The following WDR17 variants were observed in gnomAD, a reference collection of about 807,000 sequenced individuals.
WDR17 encodes WD repeat domain 17.
A neutral mutation model predicts 161.7 loss-of-function variants in WDR17; 143 were observed. The observed-to-expected ratio is 0.88, with a 90% confidence interval of 0.77 to 1.02. WDR17 has a LOEUF of 1.02. WDR17 is among the 50% of genes least tolerant of loss of function. The pLI is 0.00. For missense variants in WDR17, 1,469 were observed against 1,520.9 expected (o/e 0.97, Z 0.57); for synonymous variants, 517 against 515.6 (o/e 1.00, Z -0.04).
intron 1 of WDR17, among the ~76,000 whole-genome samples, chr4:176,108,914 C>T (rs62339423): frequency 0.32 from 48,987 of 151,942 alleles, 8,659 homozygotes; most frequent in East Asian, 0.43. Context: ...CTCAGCTTCC[C>T]AAGTAGCTGG....
At chr4:176,137,692 A>C in intron 9 of WDR17, 81 bp downstream of exon 9, 2 of 823,578 alleles carry the variant, frequency 2.4e-6, no homozygotes, top group South Asian at 6.1e-5. Flanking sequence ...TTATTTCTTA[A>C]TATAATATCA....
intron 12 of WDR17, among the ~76,000 whole-genome samples, chr4:176,146,999 T>A (rs982582697): frequency 1.3e-5 from 2 of 152,096 alleles, no homozygotes; most frequent in African/African-American, 4.8e-5. Flanking sequence ...CCCTAGTAGC[T>A]GGGACTACAG....
At chr4:176,127,011 A>T (rs1742555693) in intron 5 of WDR17, among the ~76,000 whole-genome samples, 1 of 152,092 alleles carries the variant, frequency 6.6e-6, no homozygotes, top group Non-Finnish European at 1.5e-5. Context: ...TTTATAAATT[A>T]CCCAGTCTTG....
At chr4:176,096,440 G>T in intron 1 of WDR17, 1 of 1,182,452 alleles carries the variant, frequency 8.5e-7, no homozygotes. Flanking sequence ...TTGTTTGGTT[G>T]AAACACATTG....
intron 21 of WDR17, among the ~76,000 whole-genome samples, chr4:176,162,647 G>A (rs1749200057): frequency 1.3e-5 from 2 of 151,912 alleles, no homozygotes; most frequent in Admixed American, 6.6e-5. Flanking sequence ...ACAAATGAAA[G>A]CACTTATTTT....
At chr4:176,150,276 G>T in intron 15 of WDR17, 103 bp downstream of exon 15, 1 of 1,515,844 alleles carries the variant, frequency 6.6e-7, no homozygotes, top group Non-Finnish European at 8.9e-7. Flanking sequence ...CTAATTCATT[G>T]GGTAACTCTT....
Position 176,179,969 on chromosome 4 carries a change from T to C in WDR17, c.*390T>C, listed in dbSNP as rs1751988767. On this transcript the variant is annotated 3_prime_UTR_variant, in exon 29 of 29. Coordinates refer to ENST00000508596, the MANE Select transcript of WDR17 (RefSeq NM_181265.4). ...TGCTAGACATACAGTAAGTACTTAA[T>C]GGATATTTGAATGATTGAATATCTT... 2 of 152,370 alleles carry C rather than the reference T, an allele frequency of 1.3e-5. No homozygotes were observed. The highest frequency in any genetic ancestry group is 4.8e-5 in the African/African-American group (2 of 41,570). 9.4% of individuals were successfully genotyped at this position (152,370 alleles called of 1,614,324 possible).
Position 176,119,985 on chromosome 4 carries a change from C to G in WDR17, c.426C>G (p.His142Gln). 1 of 1,613,982 alleles carries G rather than the reference C, an allele frequency of 6.2e-7. No homozygotes were observed. The change falls in exon 4 of 29, where the codon CAC becomes CAG. Residue 142 changes from histidine to glutamine, a missense_variant. By Grantham distance (24) the His-to-Gln change is conservative. Transcript: ENST00000508596. The part of the protein sequence containing the change: ...ISGPDSGVIV[H>Q]KDAHSFLSDI... ...GACCAGATAGTGGAGTGATTGTACA[C>G]AAAGATGCTCATAGCTTCTTGTCTG...
chr4:176,179,412 T>G, intron 28 of WDR17, 48 bp from the exon 29 acceptor site: 1 of 1,402,890 alleles, frequency 7.1e-7, no homozygotes, highest in Non-Finnish European at 9.4e-7. Flanking sequence ...AAAAATACTT[T>G]GCAAATTTAT....
intron 1 of WDR17, among the ~76,000 whole-genome samples, chr4:176,098,678 C>T (rs1422692510): frequency 6.6e-6 from 1 of 151,618 alleles, no homozygotes; most frequent in Non-Finnish European, 1.5e-5. Flanking sequence ...AGTCCTTTTG[C>T]AAAAATAATT....
intron 1 of WDR17, among the ~76,000 whole-genome samples, chr4:176,071,868 G>C (rs1243001399): frequency 6.6e-6 from 1 of 152,146 alleles, no homozygotes; most frequent in Non-Finnish European, 1.5e-5. Flanking sequence ...AGATAATAAA[G>C]GTAACTCCAT....
intron 19 of WDR17, among the ~76,000 whole-genome samples, chr4:176,160,332 A>C (rs1012419564): frequency 6.6e-6 from 1 of 151,910 alleles, no homozygotes; most frequent in Non-Finnish European, 1.5e-5. Flanking sequence ...TTATTTATTT[A>C]TTTTTTTGAG....
At chr4:176,155,545 GTTT>G (rs869207103) in intron 17 of WDR17, among the ~76,000 whole-genome samples, 1 of 105,244 alleles carries the variant, frequency 9.5e-6, no homozygotes, top group African/African-American at 3.9e-5. Flanking sequence ...ATTTGTTTGT[GTTT>G]TTTTTTTTTT....
chr4:176,152,396 A>G (rs112652214), intron 17 of WDR17, among the ~76,000 whole-genome samples: 4,870 of 151,492 alleles, frequency 0.032, 148 homozygotes, highest in African/African-American at 0.075. Context: ...GGAGATTAAG[A>G]TCATCCTGGC....
chr4:176,077,417 T>C (rs1219763783), intron 1 of WDR17, among the ~76,000 whole-genome samples: 1 of 152,028 alleles, frequency 6.6e-6, no homozygotes, highest in Non-Finnish European at 1.5e-5. Context: ...AGAAAGCTTC[T>C]AAAATTTCTA....
rs375680344 is a variant in WDR17 at position 176,068,974 on chromosome 4, T to G, written c.-7+2895T>G. Reference sequence around the variant, plus strand: ...GTAATAAAAATTGGTAGAAATAATATAAAATGATCAGCTTTGTATAGTAAA... The same window carrying G: ...GTAATAAAAATTGGTAGAAATAATAGAAAATGATCAGCTTTGTATAGTAAA... On this transcript the variant is annotated intron_variant, in intron 1 of 28. Coordinates refer to ENST00000508596, the MANE Select transcript of WDR17 (RefSeq NM_181265.4). Among the ~76,000 whole-genome samples the G allele has an allele frequency of 1.1e-4, 17 of 152,278 alleles. No individual in the cohort carries two copies. The East Asian group carries it at 1.3e-3, about 12-fold the overall frequency.
At chr4:176,140,415 A>G (rs1745069931) in intron 10 of WDR17, among the ~76,000 whole-genome samples, 1 of 152,102 alleles carries the variant, frequency 6.6e-6, no homozygotes, top group Admixed American at 6.5e-5. Context: ...AAGCCTTTGC[A>G]AGGAGAAATA....
Position 176,172,375 on chromosome 4 carries a change from T to A in WDR17, c.3103T>A (p.Cys1035Ser), listed in dbSNP as rs1750854222. 24 of 1,604,862 alleles carry A rather than the reference T, an allele frequency of 1.5e-5. No homozygotes were observed. The highest frequency in any genetic ancestry group is 2.0e-5 in the Non-Finnish European group (23 of 1,177,994). ...TGTTTTCAAATCAATTATTTTCTAGTGTAAGCTACCCACAGTGGAAGAATG... is the reference window on the plus strand; with the variant it reads ...TGTTTTCAAATCAATTATTTTCTAGAGTAAGCTACCCACAGTGGAAGAATG... ...TEEINDLHDK[C>S]KLPTVEECMQ... is the part of the protein sequence containing the mutation. The change falls in exon 24 of 29, where the codon TGT becomes AGT. Residue 1035 changes from cysteine to serine, a missense_variant and splice_region_variant. Coordinates refer to ENST00000508596, the MANE Select transcript of WDR17 (RefSeq NM_181265.4).
At chr4:176,129,386 T>C (rs1425329494) in intron 6 of WDR17, among the ~76,000 whole-genome samples, 2 of 152,140 alleles carry the variant, frequency 1.3e-5, no homozygotes, top group Admixed American at 6.5e-5. Context: ...ATATTTTCTG[T>C]ATCATTCGTT....
Sources: gnomAD v4.1 joint callset for allele counts (sites outside exome capture counted in the v4.1 genomes callset) on GRCh38, gnomAD v4.1.1 for gene constraint, MANE v1.5 for transcripts, NCBI Gene and HGNC (gene_info 2026-07-23, HGNC 2026-07-21) for gene names.